Variants in PHLDB2 observed in about 807,000 individuals in gnomAD.
PHLDB2 encodes the protein pleckstrin homology-like domain family B member 2.
Under a neutral mutation model 123.6 loss-of-function variants are expected in PHLDB2, and 71 were observed. The observed-to-expected ratio is 0.57, with a 90% CI of 0.47 to 0.70. PHLDB2 has a LOEUF of 0.70. PHLDB2 is among the 30% of genes least tolerant of loss of function. The pLI, the probability that PHLDB2 is intolerant of heterozygous loss-of-function variation, is 0.00. For missense variants in PHLDB2, 1,446 were observed against 1,519.5 expected (o/e 0.95, Z 0.80); for synonymous variants, 547 against 541.6 (o/e 1.01, Z -0.14).
intron 1 of PHLDB2, among the ~76,000 whole-genome samples, chr3:111,737,423 C>G (rs540987381): frequency 1.2e-4 from 18 of 152,210 alleles, no homozygotes; most frequent in Admixed American, 1.2e-3. Context: ...GGGCAGTGAT[C>G]AAGCAGAGTG....
chr3:111,794,051 G>A (rs951061503), intron 1 of PHLDB2, among the ~76,000 whole-genome samples: 24 of 151,800 alleles, frequency 1.6e-4, no homozygotes, highest in African/African-American at 5.8e-4. Context: ...CAAGTCTACT[G>A]GCAAGTACAG....
chr3:111,751,166 GGGGTGTGT>G (rs1403512371), intron 1 of PHLDB2, among the ~76,000 whole-genome samples: 1 of 126,484 alleles, frequency 7.9e-6, no homozygotes, highest in African/African-American at 2.9e-5. Context: ...AGGAGACAAT[GGGGTGTGT>G]GTGTGTGTGT....
At position 111,906,834 on chromosome 3, in the gene PHLDB2, T is replaced by G. The variant is rs12497276; in HGVS notation, c.1336-6485T>G. ...CAGTCATACAAAGGCATTACACTTT[T>G]GTTTCCTCTTTCCAGCTCAGCCCTA... On this transcript the variant is annotated intron_variant, in intron 2 of 17. Transcript: ENST00000431670. Among the ~76,000 whole-genome samples, 774 of 152,286 alleles carry G rather than the reference T, an allele frequency of 5.1e-3. 35 individuals are homozygous for G. Among genetic ancestry groups the G allele is most frequent in the Admixed American group, 0.045 (681 of 15,296 alleles).
At chr3:111,756,238 A>G (rs2059886714) in intron 1 of PHLDB2, among the ~76,000 whole-genome samples, 1 of 151,490 alleles carries the variant, frequency 6.6e-6, no homozygotes, top group African/African-American at 2.4e-5. Flanking sequence ...TGATCTGTCT[A>G]ATGTTGACAG....
rs1356704628 is a variant in PHLDB2, at chr3:111,975,934, C to T, written c.*1371C>T. ...TAATTTGCAGTGTGGTTTGTATACA[C>T]GTATACGTGTTATCAATAATAAGAT... On this transcript the variant is annotated 3_prime_UTR_variant, in exon 18 of 18. Coordinates refer to ENST00000431670, the MANE Select transcript of PHLDB2 (RefSeq NM_001134438.2). 1 of 152,602 alleles carries T rather than the reference C, an allele frequency of 6.6e-6. No individual in the cohort carries two copies. Among genetic ancestry groups the T allele is most frequent in the Non-Finnish European group, 1.5e-5 (1 of 68,034 alleles). 9.5% of individuals were successfully genotyped at this position (152,602 alleles called of 1,614,324 possible).
chr3:111,743,036 G>T lies in PHLDB2; in HGVS notation c.-49+10333G>T, dbSNP rs560735510. 6.6e-5 allele frequency among the ~76,000 whole-genome samples: 10 copies of T among 152,284 alleles called. No individual in the cohort carries two copies. The East Asian group carries it at 1.9e-3, about 29-fold the overall frequency. On this transcript the variant is annotated intron_variant, in intron 1 of 17. Transcript: ENST00000393923. ...CACAAAGCAGAAAAGTTTCAGACGG[G>T]TGCTCCCCAACTACCAAAGGAGTTG...
intron 1 of PHLDB2, among the ~76,000 whole-genome samples, chr3:111,738,975 T>C (rs1413571227): frequency 6.6e-6 from 1 of 152,190 alleles, no homozygotes; most frequent in Non-Finnish European, 1.5e-5. Flanking sequence ...AGGGCAACTC[T>C]GGGCAAGTCA....
chr3:111,830,808 CAAAAAAAAA>C lies in PHLDB2; in HGVS notation c.-48-14997_-48-14989del, dbSNP rs11475835. Among the ~76,000 whole-genome samples, 4 of 53,344 alleles carry C rather than the reference CAAAAAAAAA, an allele frequency of 7.5e-5. No homozygotes were observed. In the South Asian group the frequency reaches 3.0e-3, roughly 40 times the overall value. 35.0% of individuals were successfully genotyped at this position (53,344 alleles called of 152,430 possible). ...TGGGCGACAGAGCGAGACTCCGTCTCAAAAAAAAAAAAAAAAAAAAAAAAGGCAGCACAT... is the reference window on the plus strand; with the variant it reads ...TGGGCGACAGAGCGAGACTCCGTCTCAAAAAAAAAAAAAAAGGCAGCACAT... On this transcript the variant is annotated intron_variant, in intron 1 of 17. Transcript: ENST00000393923.
At chr3:111,827,413 C>A (rs2062710213) in intron 1 of PHLDB2, among the ~76,000 whole-genome samples, 1 of 152,194 alleles carries the variant, frequency 6.6e-6, no homozygotes, top group African/African-American at 2.4e-5. Context: ...CGGTAGCTCA[C>A]GCCTGTAATC....
At chr3:111,859,958 T>G (rs574602698) in intron 1 of PHLDB2, 25 of 904,484 alleles carry the variant, frequency 2.8e-5, no homozygotes, top group South Asian at 5.2e-5. Context: ...GGGTCGGCAG[T>G]GCCCAGGCTG....
intron 1 of PHLDB2, among the ~76,000 whole-genome samples, chr3:111,738,450 A>T (rs1214505357): frequency 6.6e-6 from 1 of 152,116 alleles, no homozygotes; most frequent in Non-Finnish European, 1.5e-5. Flanking sequence ...ACATTTATTG[A>T]TGGGTTATCC....
intron 2 of PHLDB2, among the ~76,000 whole-genome samples, chr3:111,895,438 C>A (rs918552447): frequency 3.3e-5 from 5 of 151,734 alleles, no homozygotes; most frequent in African/African-American, 9.7e-5. Flanking sequence ...TTTTTAAAAT[C>A]ATAAATAAAT....
intron 1 of PHLDB2, among the ~76,000 whole-genome samples, chr3:111,767,864 G>A (rs993545374): frequency 6.6e-6 from 1 of 152,146 alleles, no homozygotes; most frequent in African/African-American, 2.4e-5. Context: ...TGTCTATAGA[G>A]ATGTTAATTT....
chr3:111,882,935 T>A (rs1166837731), intron 1 of PHLDB2, among the ~76,000 whole-genome samples: 1 of 152,180 alleles, frequency 6.6e-6, no homozygotes, highest in East Asian at 1.9e-4. Context: ...TCCTTAAACT[T>A]GTGGCCTAGT....
chr3:111,919,042 A>G, intron 3 of PHLDB2, 30 bp from the exon 4 acceptor site: 1 of 1,609,262 alleles, frequency 6.2e-7, no homozygotes, highest in Non-Finnish European at 8.5e-7. Flanking sequence ...TGAGGTGTGA[A>G]TAATCCATTT....
At chr3:111,845,329 T>C (rs1338665651) in intron 1 of PHLDB2, among the ~76,000 whole-genome samples, 1 of 108,964 alleles carries the variant, frequency 9.2e-6, no homozygotes, top group African/African-American at 3.6e-5. Flanking sequence ...CACTCCAGCC[T>C]GGGTGACAGA....
At chr3:111,792,270 T>C (rs889913686) in intron 1 of PHLDB2, among the ~76,000 whole-genome samples, 1 of 152,154 alleles carries the variant, frequency 6.6e-6, no homozygotes, top group East Asian at 1.9e-4. Context: ...AAGAATCATT[T>C]TATAATTCTG....
chr3:111,957,173 C>T (rs1423409040), intron 12 of PHLDB2: 1 of 152,648 alleles, frequency 6.6e-6, no homozygotes, highest in African/African-American at 2.4e-5. Context: ...AACTTGTGAA[C>T]TATTCCTTTG....
chr3:111,910,176 A>G (rs1263934090), intron 2 of PHLDB2, among the ~76,000 whole-genome samples: 3 of 152,110 alleles, frequency 2.0e-5, no homozygotes, highest in African/African-American at 7.2e-5. Flanking sequence ...ATTGCACACA[A>G]TTTTCTTTAC....
Sources: gnomAD v4.1 joint callset for allele counts (sites outside exome capture counted in the v4.1 genomes callset) on GRCh38, gnomAD v4.1.1 for gene constraint, MANE v1.5 for transcripts, NCBI Gene and HGNC (gene_info 2026-07-23, HGNC 2026-07-21) for gene names.